CPPED1: variants seen among roughly 807,000 people sequenced by gnomAD.
CPPED1 encodes the protein calcineurin like phosphoesterase domain containing 1.
Under a neutral mutation model 28.0 loss-of-function variants are expected in CPPED1, and 28 were observed. That is an observed-to-expected ratio of 1.00 (90% confidence interval 0.74 to 1.37). The LOEUF is 1.37. Among genes scored for constraint, CPPED1 ranks in the 40% most tolerant of loss-of-function variants. The pLI is 0.00. For missense variants in CPPED1, 504 were observed against 416.5 expected, an observed-to-expected ratio of 1.21 and a Z score of -1.83; for synonymous variants, 198 against 180.2, an observed-to-expected ratio of 1.10 and a Z score of -0.79.
At chr16:12,801,610 C>T (rs2080660197) in intron 1 of CPPED1, among the ~76,000 whole-genome samples, 1 of 151,962 alleles carries the variant, frequency 6.6e-6, no homozygotes, top group Non-Finnish European at 1.5e-5. Context: ...TAGGTATATG[C>T]CTCAGAGTAA....
intron 2 of CPPED1, among the ~76,000 whole-genome samples, chr16:12,777,742 CTT>C (rs2080505564): frequency 6.6e-6 from 1 of 152,092 alleles, no homozygotes; most frequent in South Asian, 2.1e-4. Context: ...GACCTGGTCT[CTT>C]GTCTCCAATA....
At chr16:12,749,531 G>A (rs1039946130) in intron 2 of CPPED1, among the ~76,000 whole-genome samples, 2 of 152,056 alleles carry the variant, frequency 1.3e-5, no homozygotes, top group Non-Finnish European at 2.9e-5. Context: ...GACTGGAATC[G>A]ACTTCTTCCA....
intron 2 of CPPED1, among the ~76,000 whole-genome samples, chr16:12,714,337 A>G (rs1008452535): frequency 1.3e-5 from 2 of 152,152 alleles, no homozygotes; most frequent in African/African-American, 4.8e-5. Context: ...GTTACATGGT[A>G]ACTATATGTG....
At chr16:12,708,785 A>T (rs2080064844) in intron 2 of CPPED1, among the ~76,000 whole-genome samples, 1 of 152,240 alleles carries the variant, frequency 6.6e-6, no homozygotes, top group Non-Finnish European at 1.5e-5. Context: ...TTCCTGAAAA[A>T]TAGTCCCATT....
rs2080606236 is a variant in CPPED1 at position 12,793,078 on chromosome 16, T to A, written c.70+10629A>T. Among the ~76,000 whole-genome samples, 5 of 152,190 alleles carry A rather than the reference T, an allele frequency of 3.3e-5. No individual in the cohort carries two copies. The South Asian group carries it at 1.0e-3, about 31-fold the overall frequency. ...CCTTCACTCATTCAAGCAGGTATGT[T>A]CTGAGCACCTGCTCTATGGCACTGG... On this transcript the variant is annotated intron_variant, in intron 1 of 3. Transcript: ENST00000381774.
At chr16:12,668,132 G>C (rs2079835199) in intron 3 of CPPED1, among the ~76,000 whole-genome samples, 1 of 151,938 alleles carries the variant, frequency 6.6e-6, no homozygotes, top group African/African-American at 2.4e-5. Context: ...ATTTAAGTTT[G>C]AGGGCAAAAA....
chr16:12,699,942 G>C (rs550479315), intron 3 of CPPED1, among the ~76,000 whole-genome samples: 2 of 152,232 alleles, frequency 1.3e-5, no homozygotes, highest in South Asian at 4.1e-4. Context: ...GTTGTGACCT[G>C]AGCCGCTTTC....
At chr16:12,720,453 C>T (rs2080133467) in intron 2 of CPPED1, 1 of 153,782 alleles carries the variant, frequency 6.5e-6, no homozygotes, top group Non-Finnish European at 1.5e-5. Flanking sequence ...TTTTCTGTAC[C>T]TTTACCTTTG....
chr16:12,761,315 A>AG (rs1429576916), intron 2 of CPPED1, among the ~76,000 whole-genome samples: 2 of 151,752 alleles, frequency 1.3e-5, no homozygotes, highest in East Asian at 1.9e-4. Flanking sequence ...AGAAAAAAAA[A>AG]GAAAAGAAAA....
intron 3 of CPPED1, among the ~76,000 whole-genome samples, chr16:12,674,103 T>C (rs997886414): frequency 6.6e-6 from 1 of 152,060 alleles, no homozygotes; most frequent in African/African-American, 2.4e-5. Flanking sequence ...AGCAAAGCAG[T>C]TGTGTTCAAA....
At chr16:12,740,025 GAAAGAAAAGAAAAGA>G (rs143957219) in intron 2 of CPPED1, among the ~76,000 whole-genome samples, 1 of 128,554 alleles carries the variant, frequency 7.8e-6, no homozygotes, top group East Asian at 2.2e-4. Flanking sequence ...AAAGACGAAA[GAAAGAAAAGAAAAGA>G]AAAGAAAAGA....
chr16:12,690,456 G>A (rs1027604374), intron 3 of CPPED1, among the ~76,000 whole-genome samples: 8 of 151,840 alleles, frequency 5.3e-5, no homozygotes, highest in Non-Finnish European at 1.5e-5. Flanking sequence ...AGAGGTTGCA[G>A]TGAGCTGAGG....
At chr16:12,767,471 G>T (rs76759798) in intron 2 of CPPED1, among the ~76,000 whole-genome samples, 1 of 152,280 alleles carries the variant, frequency 6.6e-6, no homozygotes, top group East Asian at 1.9e-4. Flanking sequence ...AGGCAGACAC[G>T]TAAACTGAAC....
chr16:12,779,686 T>A (rs1478103786), intron 2 of CPPED1, among the ~76,000 whole-genome samples: 1 of 151,980 alleles, frequency 6.6e-6, no homozygotes, highest in Non-Finnish European at 1.5e-5. Flanking sequence ...CATTCTCATG[T>A]TTTCATTATG....
At position 12,670,079 on chromosome 16, in the gene CPPED1, G is replaced by T. The variant is rs948659272; in HGVS notation, c.716-4964C>A. 6.6e-6 allele frequency among the ~76,000 whole-genome samples: 1 copy of T among 152,116 alleles called. No individual in the cohort carries two copies. The highest frequency in any genetic ancestry group is 2.4e-5 in the African/African-American group (1 of 41,414). On this transcript the variant is annotated intron_variant, in intron 3 of 3. Coordinates refer to ENST00000381774, the MANE Select transcript of CPPED1 (RefSeq NM_018340.3). The surrounding 1 kb of genome is among the most constrained non-coding windows in gnomAD (Gnocchi z 4.2). ...TTTGGGAGGCCAAGGTGAGAGGATC[G>T]CTTGAGGCCAGGAGTTCGACCAGCC...
intron 2 of CPPED1, among the ~76,000 whole-genome samples, chr16:12,742,677 G>A (rs930861265): frequency 6.6e-6 from 1 of 152,112 alleles, no homozygotes; most frequent in Admixed American, 6.5e-5. Context: ...GAATGTTCAA[G>A]GGTAGTTCAG....
chr16:12,695,418 T>C (rs1172539216), intron 3 of CPPED1, among the ~76,000 whole-genome samples: 1 of 140,206 alleles, frequency 7.1e-6, no homozygotes, highest in African/African-American at 3.1e-5. Flanking sequence ...GTGCATACTA[T>C]TATGCCTGGT....
intron 2 of CPPED1, among the ~76,000 whole-genome samples, chr16:12,757,142 G>C (rs893432315): frequency 1.3e-5 from 2 of 151,940 alleles, no homozygotes; most frequent in African/African-American, 4.8e-5. Context: ...GACCAATTAA[G>C]TTATAGCACC....
chr16:12,707,560 G>T (rs963234672), intron 2 of CPPED1, among the ~76,000 whole-genome samples: 1 of 152,134 alleles, frequency 6.6e-6, no homozygotes, highest in Non-Finnish European at 1.5e-5. Flanking sequence ...GATTTTCAAA[G>T]TCATTAAGTA....
Sources: allele counts gnomAD v4.1 joint callset (sites outside exome capture counted in the v4.1 genomes callset), GRCh38; gene constraint gnomAD v4.1.1; non-coding constraint Gnocchi (gnomAD v3.1); transcripts MANE v1.5; gene names NCBI Gene and HGNC (gene_info 2026-07-23, HGNC 2026-07-21).